The following NTRK3 variants were observed in gnomAD, a reference collection of about 807,000 sequenced individuals.
NTRK3 encodes NT-3 growth factor receptor.
A neutral mutation model predicts 91.7 loss-of-function variants in NTRK3; 24 were observed. The observed-to-expected ratio is 0.26, with a 90% CI of 0.19 to 0.37. NTRK3 has a LOEUF of 0.37. Among genes scored for constraint, NTRK3 ranks in the 10% least tolerant of loss-of-function variants. The pLI is 1.00. For synonymous variants in NTRK3, 483 were observed against 404.0 expected, an observed-to-expected ratio of 1.20 and a Z score of -2.34; for missense variants, 880 against 1,068.9, an observed-to-expected ratio of 0.82 and a Z score of 2.46.
At chr15:88,070,024 C>A (rs2142686817) in intron 13 of NTRK3, among the ~76,000 whole-genome samples, 1 of 152,296 alleles carries the variant, frequency 6.6e-6, no homozygotes, top group Non-Finnish European at 1.5e-5. Context: ...TGCCCCAAAT[C>A]CATCTCACAG....
At chr15:88,211,483 T>G (rs1315582133) in intron 3 of NTRK3, among the ~76,000 whole-genome samples, 1 of 152,248 alleles carries the variant, frequency 6.6e-6, no homozygotes, top group Non-Finnish European at 1.5e-5. Flanking sequence ...CATGTTTATG[T>G]TTTTTGTTGA....
intron 14 of NTRK3, among the ~76,000 whole-genome samples, chr15:87,985,573 T>G (rs1312878299): frequency 6.6e-6 from 1 of 152,096 alleles, no homozygotes; most frequent in African/African-American, 2.4e-5. Flanking sequence ...TCAATGCTGC[T>G]GGGAAAATGA....
intron 3 of NTRK3, among the ~76,000 whole-genome samples, chr15:88,221,262 G>A (rs900067255): frequency 7.2e-5 from 11 of 152,102 alleles, no homozygotes; most frequent in African/African-American, 1.9e-4. Context: ...ATTTCCTCCC[G>A]TCTTCATTCT....
chr15:88,116,042 G>A (rs1041419204), intron 13 of NTRK3, among the ~76,000 whole-genome samples: 3 of 152,166 alleles, frequency 2.0e-5, no homozygotes, highest in Admixed American at 2.0e-4. Flanking sequence ...GCTCTGAGCT[G>A]GGAATGCTGG....
In NTRK3 at chr15:87,938,437, G is replaced by A. The variant is rs1268653811; in HGVS notation, c.1716+2186C>T. 5.9e-5 allele frequency among the ~76,000 whole-genome samples: 9 copies of A among 152,322 alleles called. No homozygotes were observed. The East Asian group carries it at 9.6e-4, about 16-fold the overall frequency. On this transcript the variant is annotated intron_variant, in intron 15 of 18. Transcript: ENST00000394480. ...AAGCAGGAAACACCACTTCCAAGAC[G>A]TTGTCTGGAGGAGATAGGCATCTTT... is the stretch of plus-strand genomic sequence containing the variant.
At chr15:88,080,445 C>T (rs2150635249) in intron 13 of NTRK3, among the ~76,000 whole-genome samples, 1 of 152,294 alleles carries the variant, frequency 6.6e-6, no homozygotes, top group Admixed American at 6.5e-5. Context: ...TCTTTGATCC[C>T]TACTTAAGCT....
At chr15:87,913,214 T>C (rs1020777380) in intron 17 of NTRK3, among the ~76,000 whole-genome samples, 3 of 151,952 alleles carry the variant, frequency 2.0e-5, no homozygotes, top group Non-Finnish European at 4.4e-5. Flanking sequence ...TTGGGGATGC[T>C]AGTCTCATTT....
intron 14 of NTRK3, among the ~76,000 whole-genome samples, chr15:88,022,733 A>G (rs552015634): frequency 1.3e-5 from 2 of 152,150 alleles, no homozygotes; most frequent in African/African-American, 2.4e-5. Flanking sequence ...TGGGGGTCTC[A>G]TCATTCTTCC....
At position 88,037,785 on chromosome 15, in the gene NTRK3, A is replaced by G. The variant is rs571303338; in HGVS notation, c.1397-4740T>C. ...AATGCTGATGATTGTAATAATTTTT[A>G]TTATTGAATACTTCCTACACATCAG... On this transcript the variant is annotated intron_variant, in intron 13 of 18. Coordinates refer to ENST00000394480, the Ensembl canonical transcript of NTRK3. Among the ~76,000 whole-genome samples, 15 of 152,332 alleles carry G rather than the reference A, an allele frequency of 9.8e-5. 1 individual carries two copies. The South Asian group carries it at 3.1e-3, about 32-fold the overall frequency.
chr15:88,242,067 T>C (rs1075891), intron 3 of NTRK3, among the ~76,000 whole-genome samples: 130,977 of 152,092 alleles, frequency 0.86, 56,549 homozygotes, highest in East Asian at 0.99. Flanking sequence ...AATGAACGGT[T>C]GCCTGGGAAG....
rs71462431 is a variant in NTRK3, at chr15:88,056,175, CATATAT to C, written c.1397-23136_1397-23131del. Among the ~76,000 whole-genome samples the C allele has an allele frequency of 4.4e-4, 25 of 57,244 alleles. 1 individual carries two copies. Among genetic ancestry groups the C allele is most frequent in the Middle Eastern group, 0.01 (1 of 98 alleles). The allele number at this position is 57,244 out of a possible 152,430, so 37.6% of individuals were successfully genotyped here. ...AAGCATTACAAGCACAGACTGTTTTCATATATATATATATATATATATATATATTTT... is the reference window on the plus strand; with the variant it reads ...AAGCATTACAAGCACAGACTGTTTTCATATATATATATATATATATATTTT... On this transcript the variant is annotated intron_variant, in intron 13 of 18. Coordinates refer to ENST00000394480, the Ensembl canonical transcript of NTRK3.
chr15:87,886,681 T>C (rs947716993), intron 17 of NTRK3, among the ~76,000 whole-genome samples: 21 of 131,142 alleles, frequency 1.6e-4, no homozygotes, highest in African/African-American at 6.4e-4. Context: ...TTTTGCTATA[T>C]ATATATATAT....
exon 19 of NTRK3, chr15:87,868,006 G>A (rs186060405): frequency 4.3e-6 from 1 of 230,438 alleles, no homozygotes; most frequent in South Asian, 1.8e-4. Flanking sequence ...CAAAGGGTAT[G>A]TGTCGATAAT....
At chr15:88,016,956 TAAAAAAAAAA>T (rs67163869) in intron 14 of NTRK3, among the ~76,000 whole-genome samples, 2 of 84,316 alleles carry the variant, frequency 2.4e-5, no homozygotes, top group Non-Finnish European at 4.5e-5. Context: ...AGACGAAGCT[TAAAAAAAAAA>T]AAAAAAAAAA....
intron 3 of NTRK3, among the ~76,000 whole-genome samples, chr15:88,216,344 T>G: frequency 6.6e-6 from 1 of 152,194 alleles, no homozygotes; most frequent in East Asian, 1.9e-4. Flanking sequence ...TCCTGGGTAC[T>G]GAAAAACTAC....
At chr15:88,156,648 C>T (rs562326551) in intron 5 of NTRK3, among the ~76,000 whole-genome samples, 159 of 152,240 alleles carry the variant, frequency 1.0e-3, no homozygotes, top group Non-Finnish European at 1.7e-3. Flanking sequence ...AGACGGCTAG[C>T]ACCACCCACT....
intron 14 of NTRK3, among the ~76,000 whole-genome samples, chr15:87,945,877 A>G (rs1302552674): frequency 6.6e-6 from 1 of 151,524 alleles, no homozygotes; most frequent in African/African-American, 2.4e-5. Flanking sequence ...ATTGAATCCT[A>G]TCCTCTCCAC....
At chr15:87,920,524 T>A (rs1238850269) in intron 17 of NTRK3, among the ~76,000 whole-genome samples, 2 of 152,112 alleles carry the variant, frequency 1.3e-5, no homozygotes, top group African/African-American at 4.8e-5. Context: ...TTTAAGAAGA[T>A]CCCATACCTT....
At chr15:87,956,815 A>C (rs1051931450) in intron 14 of NTRK3, among the ~76,000 whole-genome samples, 1 of 151,866 alleles carries the variant, frequency 6.6e-6, no homozygotes, top group Non-Finnish European at 1.5e-5. Context: ...CAGGTGATCC[A>C]CCCGCCTCAG....
Sources: allele counts gnomAD v4.1 joint callset (sites outside exome capture counted in the v4.1 genomes callset), GRCh38; gene constraint gnomAD v4.1.1; transcripts MANE v1.5; gene names NCBI Gene and HGNC (gene_info 2026-07-23, HGNC 2026-07-21).